Variants in ESYT1 observed in about 807,000 individuals in gnomAD.
The protein encoded by ESYT1 is extended synaptotagmin 1.
Under a neutral mutation model 154.2 loss-of-function variants are expected in ESYT1, and 116 were observed. The ratio of observed to expected loss-of-function variants is 0.75; its 90% CI spans 0.65 to 0.88. The LOEUF (loss-of-function observed/expected upper bound fraction) is 0.88. Among genes scored for constraint, ESYT1 ranks in the 40% least tolerant of loss-of-function variants. The probability of loss-of-function intolerance (pLI) is 0.00; values close to 1 mark genes in which losing one functional copy is unlikely to be tolerated. For synonymous variants in ESYT1, 500 were observed against 539.9 expected (o/e 0.93, Z 1.02); for missense variants, 1,264 against 1,379.3 (o/e 0.92, Z 1.32).
intron 15 of ESYT1, among the ~76,000 whole-genome samples, chr12:56,136,464 G>A (rs1168921402): frequency 1.1e-4 from 16 of 151,954 alleles, no homozygotes; most frequent in African/African-American, 3.6e-4. Flanking sequence ...GACGGCATGC[G>A]CCTGTAGTCC....
intron 24 of ESYT1, among the ~76,000 whole-genome samples, chr12:56,139,728 TG>T (rs1870614663): frequency 6.6e-6 from 1 of 151,660 alleles, no homozygotes; most frequent in South Asian, 2.1e-4. Context: ...CCCGCGTACC[TG>T]GGATTACATG....
chr12:56,137,796 A>T (rs753945253), intron 18 of ESYT1, 36 bp from the exon 19 acceptor site: 1 of 1,611,324 alleles, frequency 6.2e-7, no homozygotes, highest in Admixed American at 1.7e-5. Context: ...GAGGAAAAGG[A>T]GAGAATCTTT....
chr12:56,134,453 C>T (rs745628754), intron 15 of ESYT1, 25 bp downstream of exon 15: 10 of 1,588,954 alleles, frequency 6.3e-6, no homozygotes, highest in East Asian at 2.2e-5. Flanking sequence ...TCTTCATCCC[C>T]TCCCGAATAC....
chr12:56,137,043 G>C lies in ESYT1; in HGVS notation c.1782+150G>C, dbSNP rs947473431. On this transcript the variant is annotated intron_variant, in intron 16 of 30. Coordinates refer to ENST00000394048, the MANE Select transcript of ESYT1 (RefSeq NM_015292.3). ...ACAAAAACATATATTGATCTGACTG[G>C]TGGAAGGAATGGCTTATGAGTTGAG... The C allele has an allele frequency of 6.1e-6, 8 of 1,305,818 alleles. No homozygotes were observed. In the South Asian group the frequency reaches 1.1e-4, roughly 18 times the overall value. The allele number at this position is 1,305,818 out of a possible 1,614,324, so 80.9% of individuals were successfully genotyped here.
chr12:56,138,331 C>T lies in ESYT1; in HGVS notation c.2337+59C>T, dbSNP rs1870548013. ...AAGGTGGGGCAGGATGAGCTCTTCT[C>T]TTAGCGTTCAAGGCACATGCCAGAA... On this transcript the variant is annotated intron_variant, in intron 21 of 30. Coordinates refer to ENST00000394048, the MANE Select transcript of ESYT1 (RefSeq NM_015292.3). 6.2e-6 allele frequency: 10 copies of T among 1,612,454 alleles called. No homozygotes were observed. In the Admixed American group the frequency reaches 1.7e-4, roughly 27 times the overall value.
Position 56,134,135 on chromosome 12 carries a change from A to G in ESYT1, c.1499A>G (p.Asn500Ser). The G allele has an allele frequency of 6.2e-7, 1 of 1,614,094 alleles. No individual in the cohort carries two copies. The highest frequency in any genetic ancestry group is 2.2e-5 in the East Asian group (1 of 44,880). Residue 500 changes from asparagine (N) to serine (S), a missense_variant, in exon 14 of 31, where the codon AAC becomes AGC. Transcript: ENST00000394048. ...LPLKKGNKEPNPMVQLSIQDV... is the reference protein window; with the variant it reads ...LPLKKGNKEPSPMVQLSIQDV... ...CTGAAGAAGGGGAACAAGGAACCCA[A>G]CCCTATGGTACAACTGTCAATTCAG...
At chr12:56,128,986 G>A (rs1464463876) in intron 1 of ESYT1, 7 of 461,622 alleles carry the variant, frequency 1.5e-5, no homozygotes, top group South Asian at 2.3e-5. Flanking sequence ...TAACATCTGG[G>A]GACCCCGTCT....
intron 24 of ESYT1, among the ~76,000 whole-genome samples, chr12:56,141,233 A>C (rs1480372819): frequency 6.6e-6 from 1 of 152,228 alleles, no homozygotes; most frequent in Non-Finnish European, 1.5e-5. Context: ...CAGAGTAGAA[A>C]GGAGGTACAA....
In ESYT1 at chr12:56,144,498, G is replaced by GCAT; in HGVS notation, c.*636_*637insCAT. The GCAT allele has an allele frequency of 1.0e-6, 1 of 986,024 alleles. No homozygotes were observed. Among genetic ancestry groups the GCAT allele is most frequent in the South Asian group, 4.7e-5 (1 of 21,326 alleles). The allele number at this position is 986,024 out of a possible 1,614,324, so 61.1% of individuals were successfully genotyped here. A position where few individuals can be genotyped will look rare whatever the true frequency, so the allele number is the denominator to read the frequency against. ...TCCAAGTAGTGGCATATCAGTCTTGGAGCTCCTAGCTGGTGATACGGAGAG... is the reference window on the plus strand; with the variant it reads ...TCCAAGTAGTGGCATATCAGTCTTGGCATAGCTCCTAGCTGGTGATACGGAGAG... On this transcript the variant is annotated 3_prime_UTR_variant, in exon 31 of 31. Coordinates refer to ENST00000394048, the MANE Select transcript of ESYT1 (RefSeq NM_015292.3).
rs1355607433 is a variant in ESYT1 at position 56,128,315 on chromosome 12, G to C, written c.-5G>C. On this transcript the variant is annotated 5_prime_UTR_variant, in exon 1 of 31. Coordinates refer to ENST00000394048, the MANE Select transcript of ESYT1 (RefSeq NM_015292.3). ...GGTCGGGCGGATCCTCCCAGAGGTG[G>C]CACAATGGAGCGATCTCCAGGAGAG... is the stretch of plus-strand genomic sequence containing the variant. The C allele has an allele frequency of 6.2e-7, 1 of 1,607,294 alleles. No individual in the cohort carries two copies. Among genetic ancestry groups the C allele is most frequent in the Non-Finnish European group, 8.5e-7 (1 of 1,178,116 alleles).
At chr12:56,139,510 G>C (rs1268362556) in intron 24 of ESYT1, among the ~76,000 whole-genome samples, 1 of 151,922 alleles carries the variant, frequency 6.6e-6, no homozygotes, top group East Asian at 1.9e-4. Context: ...AAAAGGCACT[G>C]TGGGGAAGAA....
chr12:56,132,268 G>A lies in ESYT1; in HGVS notation c.920G>A (p.Arg307Gln), dbSNP rs1409439648. Residue 307 changes from arginine to glutamine, a missense_variant, in exon 8 of 31, where the codon CGA becomes CAA. By Grantham distance (43) the Arg-to-Gln change is conservative. Transcript: ENST00000394048. ...GCTGCCTTCCTCGTGTTGCCCAACC[G>A]ATTACTGGTGCCCCTTGTGCCTGAC... Reference protein sequence around the residue: ...SIAAFLVLPNRLLVPLVPDLQ... With the variant: ...SIAAFLVLPNQLLVPLVPDLQ... The A allele has an allele frequency of 1.1e-5, 17 of 1,613,964 alleles. No individual in the cohort carries two copies. Among genetic ancestry groups the A allele is most frequent in the East Asian group, 2.2e-5 (1 of 44,882 alleles).
chr12:56,130,552 C>T (rs780625544), intron 1 of ESYT1, 30 bp from the exon 2 acceptor site: 11 of 1,612,968 alleles, frequency 6.8e-6, no homozygotes, highest in Middle Eastern at 1.9e-4. Context: ...GTGTGCTGCA[C>T]GTCACTGTCT....
At chr12:56,134,034 T>A (rs1361952963) in intron 13 of ESYT1, 76 bp from the exon 14 acceptor site, 1 of 1,583,540 alleles carries the variant, frequency 6.3e-7, no homozygotes, top group East Asian at 2.3e-5. Flanking sequence ...AGGATTCTGA[T>A]GCGATCCCAC....
rs1052190398 is a variant in ESYT1, at chr12:56,142,232, T to G, written c.2593-53T>G. On this transcript the variant is annotated intron_variant, in intron 24 of 30. Transcript: ENST00000394048. The surrounding 1 kb of genome is among the most constrained non-coding windows in gnomAD (Gnocchi z 4.1). The stretch of plus-strand genomic sequence containing the variant: ...GTTTGGACCTTTAAAACACCAGGAT[T>G]AACTCATTTGTTGATGCATTCGCCT... 2 of 1,600,818 alleles carry G rather than the reference T, an allele frequency of 1.2e-6. No homozygotes were observed. The highest frequency in any genetic ancestry group is 2.7e-5 in the African/African-American group (2 of 74,714).
At position 56,142,944 on chromosome 12, in the gene ESYT1, A is replaced by G; in HGVS notation, c.2987+11A>G. Reference sequence around the variant, plus strand: ...TGTTCATGGTTGCCGGTGAGACCCCATCCCTCCTGTCCTCCAGATCGCCTC... The same window carrying G: ...TGTTCATGGTTGCCGGTGAGACCCCGTCCCTCCTGTCCTCCAGATCGCCTC... On this transcript the variant is annotated intron_variant, in intron 27 of 30. Coordinates refer to ENST00000394048, the MANE Select transcript of ESYT1 (RefSeq NM_015292.3). The surrounding 1 kb of genome is among the most constrained non-coding windows in gnomAD (Gnocchi z 4.1). 1 of 1,613,982 alleles carries G rather than the reference A, an allele frequency of 6.2e-7. No homozygotes were observed. Among genetic ancestry groups the G allele is most frequent in the Non-Finnish European group, 8.5e-7 (1 of 1,179,982 alleles).
intron 1 of ESYT1, 127 bp downstream of exon 1, chr12:56,128,836 T>C: frequency 8.4e-7 from 1 of 1,190,556 alleles, no homozygotes; most frequent in South Asian, 1.5e-5. Context: ...CTTTCCCCTC[T>C]CTCCCCGCTA....
chr12:56,142,837 C>T lies in ESYT1; in HGVS notation c.2891C>T (p.Pro964Leu). The T allele has an allele frequency of 6.2e-7, 1 of 1,614,166 alleles. No individual in the cohort carries two copies. The highest frequency in any genetic ancestry group is 8.5e-7 in the Non-Finnish European group (1 of 1,180,020). The change falls in exon 27 of 31, where the codon CCC becomes CTC. Residue 964 changes from proline (P) to leucine (L), a missense_variant and splice_region_variant. Pro to Leu is a moderately conservative substitution (Grantham distance 98). Transcript: ENST00000394048. This position sits in a 1 kb window ranked among gnomAD's most constrained non-coding sequence, Gnocchi z 4.1. ...LRQRLTHVDS[P>L]LEAPAGPLGQ... is the part of the protein sequence containing the mutation. ...GACCTACTGATATTTCTCCACAGTC[C>T]CCTTGAGGCTCCAGCCGGGCCTCTG...
intron 24 of ESYT1, among the ~76,000 whole-genome samples, chr12:56,141,383 A>G (rs1870676933): frequency 6.6e-6 from 1 of 152,232 alleles, no homozygotes; most frequent in Non-Finnish European, 1.5e-5. Flanking sequence ...TGGGCAAGAA[A>G]CATTTACTTT....
Sources: gnomAD v4.1 joint callset for allele counts (sites outside exome capture counted in the v4.1 genomes callset) on GRCh38, gnomAD v4.1.1 for gene constraint, Gnocchi (gnomAD v3.1) non-coding constraint, MANE v1.5 for transcripts, NCBI Gene and HGNC (gene_info 2026-07-23, HGNC 2026-07-21) for gene names.